Variants in SBF2 observed in about 807,000 individuals in gnomAD.
SBF2 encodes SET binding factor 2, also known as myotubularin-related protein 13.
A neutral mutation model predicts 225.2 loss-of-function variants in SBF2; 112 were observed. The observed-to-expected ratio is 0.50, with a 90% confidence interval of 0.43 to 0.58. SBF2 has a LOEUF of 0.58. Among genes scored for constraint, SBF2 ranks in the 20% least tolerant of loss-of-function variants. The pLI is 0.00. For missense variants in SBF2, 1,996 were observed against 2,206.2 expected, an observed-to-expected ratio of 0.90 and a Z score of 1.91; for synonymous variants, 763 against 773.3, an observed-to-expected ratio of 0.99 and a Z score of 0.22.
chr11:9,877,082 T>G (rs1006502808), intron 17 of SBF2, among the ~76,000 whole-genome samples: 1 of 152,170 alleles, frequency 6.6e-6, no homozygotes, highest in African/African-American at 2.4e-5. Context: ...TCATTCTATT[T>G]TGTATTACAT....
intron 2 of SBF2, among the ~76,000 whole-genome samples, chr11:10,114,158 C>G (rs1052176839): frequency 2.6e-5 from 4 of 151,474 alleles, no homozygotes; most frequent in Non-Finnish European, 4.4e-5. Context: ...TCTCCCAAAG[C>G]ATTACTGAAG....
At chr11:9,976,487 C>T (rs544699842) in intron 13 of SBF2, among the ~76,000 whole-genome samples, 2 of 152,176 alleles carry the variant, frequency 1.3e-5, no homozygotes, top group South Asian at 2.1e-4. Flanking sequence ...GTCCCAGCTA[C>T]TTGGGAGCGT....
chr11:9,917,924 C>T (rs564090561), intron 16 of SBF2, among the ~76,000 whole-genome samples: 15 of 151,562 alleles, frequency 9.9e-5, no homozygotes, highest in Non-Finnish European at 1.5e-4. Context: ...CTCTTCCACA[C>T]TATTTTGGTA....
intron 2 of SBF2, among the ~76,000 whole-genome samples, chr11:10,077,340 G>A (rs1157938264): frequency 6.6e-6 from 1 of 152,110 alleles, no homozygotes; most frequent in Non-Finnish European, 1.5e-5. Context: ...GGCCCATATT[G>A]CCAATACAAT....
At chr11:10,132,724 C>T (rs939694464) in intron 2 of SBF2, among the ~76,000 whole-genome samples, 3 of 148,474 alleles carry the variant, frequency 2.0e-5, no homozygotes, top group Non-Finnish European at 4.5e-5. Flanking sequence ...GAAGGGGACC[C>T]GAGCGGGTTG....
rs571842546 is a variant in SBF2, at chr11:9,946,676, C to T, written c.1860+15281G>A. Among the ~76,000 whole-genome samples the T allele has an allele frequency of 1.2e-4, 18 of 152,222 alleles. No homozygotes were observed. The South Asian group carries it at 1.2e-3, about 11-fold the overall frequency. On this transcript the variant is annotated intron_variant, in intron 16 of 39. Transcript: ENST00000256190. ...TGTTGGTAAGGCTGGTCTCGAACTC[C>T]GGACCTCAGGTAATCCGCCCGCCTC...
At chr11:10,256,783 C>T (rs780367061) in intron 1 of SBF2, among the ~76,000 whole-genome samples, 24 of 152,310 alleles carry the variant, frequency 1.6e-4, no homozygotes, top group Middle Eastern at 3.4e-3. Flanking sequence ...ATAATTTCTA[C>T]TCCTGACCTG....
rs142840761 is a variant in SBF2, at chr11:10,144,016, G to A, written c.141+49886C>T. Among the ~76,000 whole-genome samples, 375 of 152,286 alleles carry A rather than the reference G, an allele frequency of 2.5e-3. 2 individuals carry two copies. Among genetic ancestry groups the A allele is most frequent in the African/African-American group, 8.5e-3 (354 of 41,574 alleles). ...TTACAGGCGTGAGCCACTGTGCCCGGCCCAACAACTGAGTTTTGACAAATG... is the reference window on the plus strand; with the variant it reads ...TTACAGGCGTGAGCCACTGTGCCCGACCCAACAACTGAGTTTTGACAAATG... On this transcript the variant is annotated intron_variant, in intron 2 of 39. Coordinates refer to ENST00000256190, the MANE Select transcript of SBF2 (RefSeq NM_030962.4).
rs187674701 is a variant in SBF2 at position 9,839,567 on chromosome 11, C to T, written c.3386G>A (p.Ser1129Asn). ...QRLGLGTISG[S>N]SSRSRPEYFR... ...ATACTCGGGTCTTGAACGGGAAGAG[C>T]TGCCACTTATGGTTCCTAAACCTAA... Residue 1129 changes from serine (S) to asparagine (N), a missense_variant, in exon 26 of 40, where the codon AGC becomes AAC. Ser to Asn is a conservative substitution (Grantham distance 46). Coordinates refer to ENST00000256190, the MANE Select transcript of SBF2 (RefSeq NM_030962.4). 2 of 1,614,170 alleles carry T rather than the reference C, an allele frequency of 1.2e-6. No individual in the cohort carries two copies. Among genetic ancestry groups the T allele is most frequent in the Non-Finnish European group, 1.7e-6 (2 of 1,180,032 alleles).
intron 16 of SBF2, chr11:9,957,993 T>C (rs1007072774): frequency 1.3e-5 from 2 of 151,954 alleles, no homozygotes; most frequent in East Asian, 1.9e-4. Context: ...TCCCTACTTT[T>C]GTAGAAAGTT....
intron 15 of SBF2, 135 bp from the exon 16 acceptor site, chr11:9,962,241 G>T: frequency 3.0e-6 from 2 of 677,650 alleles, no homozygotes; most frequent in Non-Finnish European, 5.0e-6. Context: ...AACTCCTAGG[G>T]AATAGGTGAT....
At chr11:10,169,107 G>A (rs545988280) in intron 2 of SBF2, among the ~76,000 whole-genome samples, 27 of 152,180 alleles carry the variant, frequency 1.8e-4, no homozygotes, top group African/African-American at 6.3e-4. Flanking sequence ...GAAATATTCT[G>A]ATATGCATAT....
chr11:9,932,019 G>A (rs867652165), intron 16 of SBF2, among the ~76,000 whole-genome samples: 5 of 123,520 alleles, frequency 4.0e-5, no homozygotes. Flanking sequence ...TCAACTGGAA[G>A]AAAGGGTATC....
At chr11:10,041,929 C>T (rs552380523) in intron 3 of SBF2, among the ~76,000 whole-genome samples, 1 of 151,910 alleles carries the variant, frequency 6.6e-6, no homozygotes, top group Non-Finnish European at 1.5e-5. Flanking sequence ...ACCACCAGCA[C>T]CAACAAAAAA....
chr11:9,832,720 C>T lies in SBF2; in HGVS notation c.3456-300G>A, dbSNP rs542810845. 7.9e-5 allele frequency among the ~76,000 whole-genome samples: 12 copies of T among 152,218 alleles called. No individual in the cohort carries two copies. The East Asian group carries it at 9.7e-4, about 12-fold the overall frequency. The stretch of plus-strand genomic sequence containing the variant: ...CCTCCCAAAGTGCTGGGATTATGGG[C>T]GTGAGCCATTGTGCCTGGCCAACAT... On this transcript the variant is annotated intron_variant, in intron 26 of 39. Transcript: ENST00000256190.
intron 38 of SBF2, 147 bp from the exon 39 acceptor site, chr11:9,781,785 A>C: frequency 1.1e-6 from 1 of 915,778 alleles, no homozygotes; most frequent in Non-Finnish European, 1.7e-6. Flanking sequence ...TTAATTAATA[A>C]TACTTGTTGC....
At chr11:9,981,100 G>A (rs2134432758) in intron 13 of SBF2, among the ~76,000 whole-genome samples, 1 of 152,284 alleles carries the variant, frequency 6.6e-6, no homozygotes, top group South Asian at 2.1e-4. Context: ...AATTTCAAAT[G>A]AATGTGACAA....
chr11:10,058,938 C>T (rs911170982), intron 2 of SBF2, among the ~76,000 whole-genome samples: 6 of 152,136 alleles, frequency 3.9e-5, no homozygotes, highest in Non-Finnish European at 8.8e-5. Flanking sequence ...GAAATACGAT[C>T]CTTTTCAGAT....
At chr11:10,170,001 A>G (rs1243223360) in intron 2 of SBF2, among the ~76,000 whole-genome samples, 1 of 152,036 alleles carries the variant, frequency 6.6e-6, no homozygotes, top group Non-Finnish European at 1.5e-5. Flanking sequence ...GTCTATTCAG[A>G]TCTTTTGCCC....
Sources: allele counts gnomAD v4.1 joint callset (sites outside exome capture counted in the v4.1 genomes callset), GRCh38; gene constraint gnomAD v4.1.1; transcripts MANE v1.5; gene names NCBI Gene and HGNC (gene_info 2026-07-23, HGNC 2026-07-21).